The following ARHGAP24 variants were observed in gnomAD, a reference collection of about 807,000 sequenced individuals.
ARHGAP24 encodes rho GTPase-activating protein 24.
A neutral mutation model predicts 76.4 loss-of-function variants in ARHGAP24; 50 were observed. The ratio of observed to expected loss-of-function variants is 0.65; its 90% confidence interval spans 0.52 to 0.83. The LOEUF (loss-of-function observed/expected upper bound fraction) is 0.83, where lower values mean the gene tolerates loss of function less well. ARHGAP24 is among the 40% of genes least tolerant of loss of function. ARHGAP24 has a pLI of 0.00. For synonymous variants in ARHGAP24, 345 were observed against 323.3 expected, an observed-to-expected ratio of 1.07 and a Z score of -0.72; for missense variants, 930 against 914.2, an observed-to-expected ratio of 1.02 and a Z score of -0.22.
intron 2 of ARHGAP24, among the ~76,000 whole-genome samples, chr4:85,677,736 AG>A (rs1163673412): frequency 6.6e-6 from 1 of 152,242 alleles, no homozygotes; most frequent in East Asian, 1.9e-4. Flanking sequence ...AATGAGCACA[AG>A]CCAACTGTTT....
intron 1 of ARHGAP24, among the ~76,000 whole-genome samples, chr4:85,511,696 C>G (rs1415919031): frequency 3.9e-5 from 6 of 152,074 alleles, no homozygotes; most frequent in Admixed American, 2.0e-4. Context: ...GTCTCCCGAC[C>G]TCAGGTGATC....
rs561881079 is a variant in ARHGAP24 at position 85,725,286 on chromosome 4, A to T, written c.268+3314A>T. ...ACACCTGGAAATAGCACAGTATAAC[A>T]TATGGTGCTAAACAAATATTTCTTG... On this transcript the variant is annotated intron_variant, in intron 3 of 9. Coordinates refer to ENST00000395184, the MANE Select transcript of ARHGAP24 (RefSeq NM_001025616.3). 9.0e-4 allele frequency among the ~76,000 whole-genome samples: 137 copies of T among 152,320 alleles called. No homozygotes were observed. In the South Asian group the frequency reaches 0.012, roughly 13 times the overall value.
chr4:85,680,239 T>C (rs1371798789), intron 2 of ARHGAP24, among the ~76,000 whole-genome samples: 1 of 152,116 alleles, frequency 6.6e-6, no homozygotes. Context: ...ATTCCAGAGG[T>C]TTACCTTTAT....
chr4:85,487,645 T>C (rs1723147069), intron 1 of ARHGAP24, among the ~76,000 whole-genome samples: 1 of 108,048 alleles, frequency 9.3e-6, no homozygotes, highest in Non-Finnish European at 1.6e-5. Flanking sequence ...TATATAAACA[T>C]ATATTTATTA....
At chr4:85,925,519 G>A (rs1452470866) in intron 4 of ARHGAP24, among the ~76,000 whole-genome samples, 2 of 152,114 alleles carry the variant, frequency 1.3e-5, no homozygotes, top group Non-Finnish European at 2.9e-5. Context: ...GTATGCTAAG[G>A]TTACCAAGAG....
chr4:85,524,181 T>C (rs184283781), intron 1 of ARHGAP24, among the ~76,000 whole-genome samples: 35 of 152,238 alleles, frequency 2.3e-4, no homozygotes, highest in Admixed American at 3.9e-4. Context: ...CCTGGAGAAT[T>C]CCGCTACAGA....
intron 1 of ARHGAP24, among the ~76,000 whole-genome samples, chr4:85,480,050 C>T (rs960557380): frequency 2.0e-5 from 3 of 152,122 alleles, no homozygotes; most frequent in Non-Finnish European, 4.4e-5. Context: ...TATCAAATTA[C>T]ATAACTGGAA....
intron 2 of ARHGAP24, among the ~76,000 whole-genome samples, chr4:85,583,641 C>G (rs943530574): frequency 6.6e-6 from 1 of 151,692 alleles, no homozygotes; most frequent in Non-Finnish European, 1.5e-5. Flanking sequence ...AAACTACCAT[C>G]AGAGTGAACA....
intron 5 of ARHGAP24, among the ~76,000 whole-genome samples, chr4:85,962,502 G>A (rs1165044945): frequency 6.6e-6 from 1 of 151,966 alleles, no homozygotes; most frequent in Admixed American, 6.6e-5. Context: ...ATAGTATATA[G>A]TATAGGTGCT....
intron 3 of ARHGAP24, among the ~76,000 whole-genome samples, chr4:85,870,849 C>T (rs1732487105): frequency 6.6e-6 from 1 of 152,072 alleles, no homozygotes; most frequent in African/African-American, 2.4e-5. Flanking sequence ...AATAATACCT[C>T]CTTTGTTTTA....
intron 4 of ARHGAP24, among the ~76,000 whole-genome samples, chr4:85,941,819 A>G (rs540783946): frequency 6.6e-6 from 1 of 152,324 alleles, no homozygotes; most frequent in East Asian, 1.9e-4. Context: ...CGATATCTCA[A>G]ACTCAGTGTT....
chr4:85,646,744 T>A (rs1292371076), intron 2 of ARHGAP24, among the ~76,000 whole-genome samples: 1 of 152,126 alleles, frequency 6.6e-6, no homozygotes, highest in African/African-American at 2.4e-5. Context: ...ATAAGGGAAC[T>A]AAGTATTGTG....
intron 2 of ARHGAP24, among the ~76,000 whole-genome samples, chr4:85,672,973 T>C (rs1722859427): frequency 6.6e-6 from 1 of 152,196 alleles, no homozygotes; most frequent in South Asian, 2.1e-4. Context: ...GGGTGCTGGA[T>C]TTCTTGTAGG....
At chr4:85,610,564 G>C (rs1303291234) in intron 2 of ARHGAP24, among the ~76,000 whole-genome samples, 1 of 151,350 alleles carries the variant, frequency 6.6e-6, no homozygotes, top group Non-Finnish European at 1.5e-5. Flanking sequence ...AAAATGCAAA[G>C]GGTCTGAAAT....
At chr4:85,581,018 A>T (rs1161260) in intron 2 of ARHGAP24, among the ~76,000 whole-genome samples, 2,044 of 152,190 alleles carry the variant, frequency 0.013, 43 homozygotes, top group African/African-American at 0.046. Context: ...CCTACTTTTT[A>T]TTGTCCCAGA....
intron 2 of ARHGAP24, among the ~76,000 whole-genome samples, chr4:85,688,193 A>C (rs1723501050): frequency 6.6e-6 from 1 of 152,114 alleles, no homozygotes; most frequent in Non-Finnish European, 1.5e-5. Context: ...TGCACCAACA[A>C]TGTATATATG....
chr4:85,937,650 T>C (rs139364248), intron 4 of ARHGAP24, among the ~76,000 whole-genome samples: 42 of 152,216 alleles, frequency 2.8e-4, no homozygotes, highest in African/African-American at 8.9e-4. Context: ...GCAAAAATCA[T>C]GTAACATGGG....
chr4:85,681,780 G>A (rs959826729), intron 2 of ARHGAP24, among the ~76,000 whole-genome samples: 1 of 152,218 alleles, frequency 6.6e-6, no homozygotes, highest in Admixed American at 6.5e-5. Flanking sequence ...CAGAAGTCAT[G>A]CCTTTTACTT....
intron 1 of ARHGAP24, among the ~76,000 whole-genome samples, chr4:85,499,949 T>C (rs552565616): frequency 1.5e-4 from 23 of 152,298 alleles, no homozygotes; most frequent in African/African-American, 5.5e-4. Flanking sequence ...CCTCTGGAGA[T>C]CTACTTTTTA....
Sources: allele counts gnomAD v4.1 joint callset (sites outside exome capture counted in the v4.1 genomes callset), GRCh38; gene constraint gnomAD v4.1.1; transcripts MANE v1.5; gene names NCBI Gene and HGNC (gene_info 2026-07-23, HGNC 2026-07-21).